GLRA1: variants seen among roughly 807,000 people sequenced by gnomAD.
GLRA1 encodes glycine receptor alpha 1.
Under a neutral mutation model 48.3 loss-of-function variants are expected in GLRA1, and 37 were observed. The ratio of observed to expected loss-of-function variants is 0.77; its 90% CI spans 0.59 to 1.01. GLRA1 has a LOEUF of 1.01. Among genes scored for constraint, GLRA1 ranks in the 50% least tolerant of loss-of-function variants. The probability of loss-of-function intolerance (pLI) is 0.00; values close to 1 mark genes in which losing one functional copy is unlikely to be tolerated. For synonymous variants in GLRA1, 196 were observed against 210.7 expected (o/e 0.93, Z 0.60); for missense variants, 427 against 571.0 (o/e 0.75, Z 2.57).
intron 7 of GLRA1, among the ~76,000 whole-genome samples, chr5:151,838,878 G>A (rs146783131): frequency 1.4e-3 from 207 of 152,288 alleles, no homozygotes; most frequent in Middle Eastern, 0.01. Context: ...GACAAAGTCA[G>A]AATCTTTTTT....
intron 1 of GLRA1, among the ~76,000 whole-genome samples, chr5:151,914,697 G>C (rs368113026): frequency 6.6e-6 from 1 of 152,158 alleles, no homozygotes; most frequent in Admixed American, 6.5e-5. Flanking sequence ...GAGAAAGGAC[G>C]TTCAGTGGCT....
At chr5:151,911,760 C>T (rs1036316338) in intron 1 of GLRA1, among the ~76,000 whole-genome samples, 10 of 151,930 alleles carry the variant, frequency 6.6e-5, no homozygotes, top group African/African-American at 1.9e-4. Context: ...TGCCCGCCAC[C>T]GCACCTGGCT....
chr5:151,840,059 G>T (rs1010586494), intron 7 of GLRA1, among the ~76,000 whole-genome samples: 3 of 150,614 alleles, frequency 2.0e-5, no homozygotes, highest in Non-Finnish European at 3.0e-5. Context: ...AATAGTAAAA[G>T]AAATGACCAG....
chr5:151,876,388 A>T (rs1382743207), intron 3 of GLRA1, among the ~76,000 whole-genome samples: 1 of 152,158 alleles, frequency 6.6e-6, no homozygotes, highest in East Asian at 1.9e-4. Flanking sequence ...AAAATCAGTC[A>T]ATTTGGTGCC....
chr5:151,842,344 C>CA (rs57227549), intron 7 of GLRA1, among the ~76,000 whole-genome samples: 48,345 of 139,716 alleles, frequency 0.35, 7,979 homozygotes, highest in South Asian at 0.42. Context: ...TGAATACAGA[C>CA]AAAAAAAAAA....
intron 3 of GLRA1, among the ~76,000 whole-genome samples, chr5:151,869,038 A>G (rs1034252873): frequency 3.5e-4 from 54 of 152,264 alleles, no homozygotes; most frequent in African/African-American, 1.3e-3. Context: ...TGTGAATTTA[A>G]TAATTACATA....
At chr5:151,845,043 T>G (rs778778769) in intron 7 of GLRA1, among the ~76,000 whole-genome samples, 1 of 152,202 alleles carries the variant, frequency 6.6e-6, no homozygotes, top group Non-Finnish European at 1.5e-5. Flanking sequence ...TTTTTAAATT[T>G]TATTTTAAGT....
intron 6 of GLRA1, among the ~76,000 whole-genome samples, chr5:151,854,566 G>A (rs1274222344): frequency 1.3e-5 from 2 of 152,222 alleles, no homozygotes; most frequent in African/African-American, 2.4e-5. Context: ...AGAGAGCTAA[G>A]CTACACCATC....
At chr5:151,889,707 C>T (rs1428347162) in intron 2 of GLRA1, among the ~76,000 whole-genome samples, 1 of 151,866 alleles carries the variant, frequency 6.6e-6, no homozygotes, top group East Asian at 1.9e-4. Context: ...CCCTGATCCT[C>T]AATGGCCTTT....
chr5:151,874,767 G>A (rs1462861824), intron 3 of GLRA1, among the ~76,000 whole-genome samples: 1 of 152,162 alleles, frequency 6.6e-6, no homozygotes, highest in African/African-American at 2.4e-5. Context: ...GAGACCTGAA[G>A]GGTGAGAAGG....
chr5:151,850,895 T>C (rs1414146952), intron 7 of GLRA1: 3 of 565,892 alleles, frequency 5.3e-6, no homozygotes, highest in Non-Finnish European at 9.7e-6. Context: ...AAGGGTGGAA[T>C]ATAAAGGTCT....
At chr5:151,919,583 A>G (rs949437890) in intron 1 of GLRA1, among the ~76,000 whole-genome samples, 2 of 152,256 alleles carry the variant, frequency 1.3e-5, no homozygotes. Context: ...AATAATTGAA[A>G]TACACTTCAA....
intron 5 of GLRA1, among the ~76,000 whole-genome samples, chr5:151,856,086 T>C (rs1753034857): frequency 6.6e-6 from 1 of 152,258 alleles, no homozygotes; most frequent in African/African-American, 2.4e-5. Context: ...TGGAGAATGC[T>C]GCTGGCTCCA....
chr5:151,889,762 G>A (rs1754012191), intron 2 of GLRA1, among the ~76,000 whole-genome samples: 1 of 152,080 alleles, frequency 6.6e-6, no homozygotes, highest in South Asian at 2.1e-4. Context: ...AATCTGATTT[G>A]TGTCGGTGGA....
At chr5:151,881,934 G>A (rs1007458969) in intron 3 of GLRA1, among the ~76,000 whole-genome samples, 6 of 152,242 alleles carry the variant, frequency 3.9e-5, no homozygotes, top group South Asian at 2.1e-4. Context: ...TCTGAAACCC[G>A]GACTATGTCC....
Position 151,899,298 on chromosome 5 carries a change from G to A in GLRA1, c.57-6860C>T, listed in dbSNP as rs80246716. 8.0e-3 allele frequency among the ~76,000 whole-genome samples: 1,217 copies of A among 152,282 alleles called. 19 individuals carry two copies. Among genetic ancestry groups the A allele is most frequent in the African/African-American group, 0.028 (1,143 of 41,548 alleles). On this transcript the variant is annotated intron_variant, in intron 1 of 8. Coordinates refer to ENST00000274576, the MANE Select transcript of GLRA1 (RefSeq NM_000171.4). Reference sequence around the variant, plus strand: ...GGAAGGCAGTATTTGAGGGGAAGGCGGGGATTAATCAGAAATTGTCTGAGT... The same window carrying A: ...GGAAGGCAGTATTTGAGGGGAAGGCAGGGATTAATCAGAAATTGTCTGAGT...
chr5:151,867,435 A>C (rs896321378), intron 3 of GLRA1, among the ~76,000 whole-genome samples: 1 of 152,106 alleles, frequency 6.6e-6, no homozygotes, highest in Non-Finnish European at 1.5e-5. Context: ...AATATGTATA[A>C]TTGGGGGTAA....
At chr5:151,839,614 G>A (rs1398483148) in intron 7 of GLRA1, among the ~76,000 whole-genome samples, 1 of 152,194 alleles carries the variant, frequency 6.6e-6, no homozygotes, top group Non-Finnish European at 1.5e-5. Flanking sequence ...TGTATTTGGA[G>A]ACAGGGCCTA....
At chr5:151,884,227 G>A (rs370019934) in intron 3 of GLRA1, among the ~76,000 whole-genome samples, 9 of 152,206 alleles carry the variant, frequency 5.9e-5, no homozygotes, top group African/African-American at 1.9e-4. Flanking sequence ...CCAGGAGTTC[G>A]AGACCAGCCT....
Sources: gnomAD v4.1 joint callset for allele counts (sites outside exome capture counted in the v4.1 genomes callset) on GRCh38, gnomAD v4.1.1 for gene constraint, MANE v1.5 for transcripts, NCBI Gene and HGNC (gene_info 2026-07-23, HGNC 2026-07-21) for gene names.